The following RABGAP1L variants were observed in gnomAD, a reference collection of about 807,000 sequenced individuals.
RABGAP1L encodes RAB GTPase activating protein 1 like, also known as rab GTPase-activating protein 1-like.
RABGAP1L carries 63 observed loss-of-function variants against 137.7 expected under a neutral mutation model. That is an observed-to-expected ratio of 0.46 (90% CI 0.37 to 0.56). The LOEUF is 0.56. RABGAP1L is among the 20% of genes least tolerant of loss of function. RABGAP1L has a pLI of 0.00. For synonymous variants in RABGAP1L, 431 were observed against 433.7 expected, an observed-to-expected ratio of 0.99 and a Z score of 0.08; for missense variants, 1,095 against 1,244.0, an observed-to-expected ratio of 0.88 and a Z score of 1.80.
chr1:174,359,659 A>G (rs557028787), intron 11 of RABGAP1L, among the ~76,000 whole-genome samples: 1 of 152,312 alleles, frequency 6.6e-6, no homozygotes, highest in Admixed American at 6.5e-5. Flanking sequence ...CTTCTTTACA[A>G]AACATGATGG....
At chr1:174,528,512 G>A (rs1263797164) in intron 13 of RABGAP1L, among the ~76,000 whole-genome samples, 9 of 146,704 alleles carry the variant, frequency 6.1e-5, no homozygotes, top group Non-Finnish European at 1.3e-4. Context: ...TTATTTCAGC[G>A]CTTGGAATAC....
chr1:174,945,785 CAA>C (rs1666638760), intron 19 of RABGAP1L: 1 of 152,086 alleles, frequency 6.6e-6, no homozygotes. Context: ...ATGTAGGCCT[CAA>C]AAAATGTTCC....
chr1:174,601,281 G>A (rs769570537), intron 13 of RABGAP1L, among the ~76,000 whole-genome samples: 16 of 152,210 alleles, frequency 1.1e-4, no homozygotes, highest in South Asian at 2.1e-4. Context: ...GGGCTGCTGC[G>A]AAGGTCTCTG....
At chr1:174,769,488 C>T (rs1351973683) in intron 18 of RABGAP1L, among the ~76,000 whole-genome samples, 4 of 152,174 alleles carry the variant, frequency 2.6e-5, no homozygotes, top group African/African-American at 7.2e-5. Context: ...CTGACAATCA[C>T]GTCCACACCA....
intron 14 of RABGAP1L, among the ~76,000 whole-genome samples, chr1:174,669,908 CAT>C (rs1410887775): frequency 6.6e-6 from 1 of 152,100 alleles, no homozygotes; most frequent in Non-Finnish European, 1.5e-5. Context: ...GAAGCCAAGT[CAT>C]GTGATGCTTC....
chr1:174,979,007 C>A, intron 23 of RABGAP1L, 117 bp downstream of exon 23: 1 of 1,289,992 alleles, frequency 7.8e-7, no homozygotes, highest in Non-Finnish European at 9.9e-7. Context: ...AGCAGGACCC[C>A]ATATCTACAA....
intron 19 of RABGAP1L, among the ~76,000 whole-genome samples, chr1:174,916,148 A>G (rs970970380): frequency 7.3e-5 from 11 of 151,062 alleles, no homozygotes; most frequent in African/African-American, 2.4e-4. Flanking sequence ...GGGCTATCCA[A>G]TTATCCCAGC....
At chr1:174,493,447 T>C (rs1317001651) in intron 13 of RABGAP1L, among the ~76,000 whole-genome samples, 1 of 151,604 alleles carries the variant, frequency 6.6e-6, no homozygotes, top group Admixed American at 6.6e-5. Context: ...TCTAGGTAGA[T>C]ATGAATATTG....
At chr1:174,437,808 G>C (rs1216317061) in intron 13 of RABGAP1L, among the ~76,000 whole-genome samples, 3 of 152,120 alleles carry the variant, frequency 2.0e-5, no homozygotes, top group African/African-American at 7.2e-5. Context: ...AATGTTAAGG[G>C]CAGCCAGAGA....
intron 17 of RABGAP1L, among the ~76,000 whole-genome samples, chr1:174,741,267 A>G (rs964702475): frequency 6.6e-6 from 1 of 152,128 alleles, no homozygotes; most frequent in Admixed American, 6.6e-5. Context: ...ATATGGTGAG[A>G]TAATGGTCCA....
chr1:174,408,822 T>C (rs1434530186), intron 13 of RABGAP1L, among the ~76,000 whole-genome samples: 5 of 152,232 alleles, frequency 3.3e-5, no homozygotes, highest in African/African-American at 1.2e-4. Flanking sequence ...TTAGTGATGT[T>C]GAGCATTTTT....
At chr1:174,623,803 C>T (rs1672730427) in intron 13 of RABGAP1L, among the ~76,000 whole-genome samples, 2 of 152,160 alleles carry the variant, frequency 1.3e-5, no homozygotes, top group East Asian at 1.9e-4. Flanking sequence ...GTGTCCAAGG[C>T]CCCCATGCCT....
intron 11 of RABGAP1L, among the ~76,000 whole-genome samples, chr1:174,334,677 A>G (rs1239066055): frequency 1.3e-5 from 2 of 152,088 alleles, no homozygotes; most frequent in Non-Finnish European, 2.9e-5. Flanking sequence ...TTTTCCACCA[A>G]ATAGGCACAT....
chr1:174,563,829 T>C (rs902607038), intron 13 of RABGAP1L, among the ~76,000 whole-genome samples: 6 of 152,184 alleles, frequency 3.9e-5, no homozygotes, highest in African/African-American at 1.2e-4. Flanking sequence ...GGGGGAAAGC[T>C]GTTGAATTGG....
Position 174,394,027 on chromosome 1 carries a change from T to C in RABGAP1L, c.1592T>C (p.Leu531Pro). The C allele has an allele frequency of 6.2e-7, 1 of 1,613,682 alleles. No homozygotes were observed. Among genetic ancestry groups the C allele is most frequent in the Non-Finnish European group, 8.5e-7 (1 of 1,179,766 alleles). ...HSNLGARPKG[L>P]STLVKSGVPE... ...AACCTTGGTGCACGACCGAAAGGGC[T>C]GTCTACTCTGGTGAAGAGTGGTGTC... Residue 531 changes from leucine to proline, a missense_variant, in exon 13 of 26, where the codon CTG becomes CCG. This residue lies in a region of RABGAP1L where 315 missense variants were observed against 324.8 expected (regional missense o/e 0.97). Transcript: ENST00000681986.
intron 13 of RABGAP1L, among the ~76,000 whole-genome samples, chr1:174,449,397 G>T (rs1250749460): frequency 6.6e-6 from 1 of 152,148 alleles, no homozygotes; most frequent in Non-Finnish European, 1.5e-5. Flanking sequence ...GTTAGCTCAT[G>T]AAATAATTAT....
At chr1:174,326,980 A>T (rs1680489390) in intron 11 of RABGAP1L, among the ~76,000 whole-genome samples, 1 of 152,196 alleles carries the variant, frequency 6.6e-6, no homozygotes, top group Non-Finnish European at 1.5e-5. Flanking sequence ...TATTTTTTTT[A>T]AATGAAGGAA....
At chr1:174,917,725 G>A (rs956021388) in intron 19 of RABGAP1L, among the ~76,000 whole-genome samples, 1 of 152,080 alleles carries the variant, frequency 6.6e-6, no homozygotes, top group Non-Finnish European at 1.5e-5. Context: ...CTGAGGTCAG[G>A]AGTTCAAGAC....
intron 18 of RABGAP1L, among the ~76,000 whole-genome samples, chr1:174,783,558 T>C (rs1157167504): frequency 6.6e-6 from 1 of 152,174 alleles, no homozygotes; most frequent in African/African-American, 2.4e-5. Flanking sequence ...AGTTAATGCC[T>C]AATACCTAAG....
Sources: gnomAD v4.1 joint callset for allele counts (sites outside exome capture counted in the v4.1 genomes callset) on GRCh38, gnomAD v4.1.1 for gene constraint, gnomAD v4.1.1 regional missense constraint, MANE v1.5 for transcripts, NCBI Gene and HGNC (gene_info 2026-07-23, HGNC 2026-07-21) for gene names.